Variants in CHCHD6 observed in about 807,000 individuals in gnomAD.
The protein encoded by CHCHD6 is MICOS complex subunit MIC25.
CHCHD6 carries 28 observed loss-of-function variants against 32.3 expected under a neutral mutation model. The observed-to-expected ratio is 0.87, with a 90% confidence interval of 0.64 to 1.19. The LOEUF (loss-of-function observed/expected upper bound fraction) is 1.19. Among genes scored for constraint, CHCHD6 ranks in the 50% most tolerant of loss-of-function variants. The pLI is 0.00. For synonymous variants in CHCHD6, 122 were observed against 117.5 expected, an observed-to-expected ratio of 1.04 and a Z score of -0.25; for missense variants, 333 against 307.0, an observed-to-expected ratio of 1.08 and a Z score of -0.63.
intron 4 of CHCHD6, among the ~76,000 whole-genome samples, chr3:126,787,825 C>G (rs1938300374): frequency 6.6e-6 from 1 of 152,154 alleles, no homozygotes; most frequent in African/African-American, 2.4e-5. Context: ...ATTTCTTTCT[C>G]TTGCCTAATT....
intron 6 of CHCHD6, among the ~76,000 whole-genome samples, chr3:126,929,719 C>G (rs2078376878): frequency 6.6e-6 from 1 of 152,146 alleles, no homozygotes; most frequent in Non-Finnish European, 1.5e-5. Flanking sequence ...GCGCCCACCA[C>G]CATGCCTGGC....
At chr3:126,849,565 A>G (rs918491601) in intron 4 of CHCHD6, among the ~76,000 whole-genome samples, 2 of 152,220 alleles carry the variant, frequency 1.3e-5, no homozygotes, top group Non-Finnish European at 1.5e-5. Context: ...GTACATGTTC[A>G]TAATGATGAC....
intron 4 of CHCHD6, among the ~76,000 whole-genome samples, chr3:126,749,989 G>C (rs1175350818): frequency 6.6e-6 from 1 of 152,148 alleles, no homozygotes; most frequent in Non-Finnish European, 1.5e-5. Flanking sequence ...TTGGCCCGAC[G>C]TCTGTTCAGG....
chr3:126,843,360 A>C (rs1476954923), intron 4 of CHCHD6, among the ~76,000 whole-genome samples: 1 of 152,150 alleles, frequency 6.6e-6, no homozygotes, highest in Admixed American at 6.5e-5. Context: ...CTGGTTTGGT[A>C]TCATTATAGC....
intron 4 of CHCHD6, among the ~76,000 whole-genome samples, chr3:126,774,735 T>A (rs951587515): frequency 2.6e-5 from 4 of 152,238 alleles, no homozygotes; most frequent in African/African-American, 4.8e-5. Context: ...GGGTCTCCAG[T>A]TGGCCTTTGC....
At chr3:126,852,020 G>T (rs1941491769) in intron 4 of CHCHD6, among the ~76,000 whole-genome samples, 1 of 152,198 alleles carries the variant, frequency 6.6e-6, no homozygotes, top group Admixed American at 6.5e-5. Context: ...CTCCAACAGG[G>T]ACTCAACCAT....
chr3:126,923,673 G>A (rs923701474), intron 6 of CHCHD6, among the ~76,000 whole-genome samples: 24 of 152,244 alleles, frequency 1.6e-4, no homozygotes, highest in African/African-American at 5.5e-4. Flanking sequence ...GCTACCTGAC[G>A]TGTGGCCTGG....
intron 4 of CHCHD6, among the ~76,000 whole-genome samples, chr3:126,791,763 C>T (rs1391307749): frequency 2.0e-5 from 3 of 152,192 alleles, no homozygotes; most frequent in Non-Finnish European, 4.4e-5. Context: ...GTGTATGCCA[C>T]CATGCCCAGC....
chr3:126,862,414 T>TCTA (rs1941952853), intron 5 of CHCHD6, among the ~76,000 whole-genome samples: 1 of 115,146 alleles, frequency 8.7e-6, no homozygotes, highest in Non-Finnish European at 1.8e-5. Context: ...CACCTCCTCC[T>TCTA]CCACCATCAC....
In CHCHD6 at chr3:126,918,014, G is replaced by A. The variant is rs578056275; in HGVS notation, c.566+3264G>A. Reference sequence around the variant, plus strand: ...AATGGGCTAAGATACTGTTAATAACGGCAGTCATTTTAGTCACTTTTTTAC... The same window carrying A: ...AATGGGCTAAGATACTGTTAATAACAGCAGTCATTTTAGTCACTTTTTTAC... On this transcript the variant is annotated intron_variant, in intron 6 of 7. Coordinates refer to ENST00000290913, the MANE Select transcript of CHCHD6 (RefSeq NM_032343.3). 1.1e-4 allele frequency among the ~76,000 whole-genome samples: 16 copies of A among 152,262 alleles called. No homozygotes were observed. The South Asian group carries it at 3.1e-3, about 30-fold the overall frequency.
chr3:126,858,989 CCA>C (rs1050303735), intron 5 of CHCHD6, among the ~76,000 whole-genome samples: 2 of 152,238 alleles, frequency 1.3e-5, no homozygotes, highest in African/African-American at 4.8e-5. Context: ...CTAGCACTTG[CCA>C]CACTCTGTCT....
At chr3:126,792,576 T>A in intron 4 of CHCHD6, among the ~76,000 whole-genome samples, 1 of 152,194 alleles carries the variant, frequency 6.6e-6, no homozygotes, top group South Asian at 2.1e-4. Context: ...TCCCTGTTAT[T>A]TTTCTTCTGA....
chr3:126,867,109 C>T (rs1320767426), intron 5 of CHCHD6, among the ~76,000 whole-genome samples: 4 of 152,198 alleles, frequency 2.6e-5, no homozygotes, highest in Non-Finnish European at 4.4e-5. Context: ...CTCCTGTTCT[C>T]TTTCATTGCA....
rs539621758 is a variant in CHCHD6 at position 126,712,154 on chromosome 3, T to C, written c.87+7755T>C. ...TTCCCGCTGGTGCGTTCCATTTTTC[T>C]GCCTTGGTGGTTCTGAAACTCACTG... On this transcript the variant is annotated intron_variant, in intron 1 of 7. Transcript: ENST00000290913. Among the ~76,000 whole-genome samples, 76 of 152,368 alleles carry C rather than the reference T, an allele frequency of 5.0e-4. 1 individual carries two copies. Among genetic ancestry groups the C allele is most frequent in the African/African-American group, 1.8e-3 (74 of 41,594 alleles).
At chr3:126,774,444 A>T (rs1247875549) in intron 4 of CHCHD6, among the ~76,000 whole-genome samples, 1 of 152,166 alleles carries the variant, frequency 6.6e-6, no homozygotes, top group African/African-American at 2.4e-5. Flanking sequence ...CAAAACCAAA[A>T]AGTTGGCATT....
Position 126,848,043 on chromosome 3 carries a change from G to A in CHCHD6, c.412-4604G>A, listed in dbSNP as rs553209459. The stretch of plus-strand genomic sequence containing the variant: ...TCTCCAGGCTGGAGTGCAGTGATGC[G>A]ATCATAACTCACCGCAGCCTCAAAC... On this transcript the variant is annotated intron_variant, in intron 4 of 7. Coordinates refer to ENST00000290913, the MANE Select transcript of CHCHD6 (RefSeq NM_032343.3). Among the ~76,000 whole-genome samples, 6 of 152,208 alleles carry A rather than the reference G, an allele frequency of 3.9e-5. No homozygotes were observed. In the East Asian group the frequency reaches 9.6e-4, roughly 24 times the overall value.
At chr3:126,760,906 T>C (rs1264678655) in intron 4 of CHCHD6, among the ~76,000 whole-genome samples, 1 of 152,212 alleles carries the variant, frequency 6.6e-6, no homozygotes, top group Non-Finnish European at 1.5e-5. Flanking sequence ...CAATCATAGC[T>C]CACTGTAACC....
chr3:126,727,126 C>A lies in CHCHD6; in HGVS notation c.136C>A (p.Pro46Thr). Residue 46 changes from proline to threonine, a missense_variant, in exon 2 of 8, where the codon CCT becomes ACT. Coordinates refer to ENST00000290913, the MANE Select transcript of CHCHD6 (RefSeq NM_032343.3). ...NRMKEPSSPP[P>T]APTSSTFGLQ... is the part of the protein sequence containing the mutation. The stretch of plus-strand genomic sequence containing the variant: ...CATGAAGGAGCCCAGCTCTCCACCC[C>A]CTGCTCCCACATCTTCTACCTTTGG... 7 of 1,614,162 alleles carry A rather than the reference C, an allele frequency of 4.3e-6. No individual in the cohort carries two copies. The highest frequency in any genetic ancestry group is 2.2e-5 in the East Asian group (1 of 44,876).
intron 4 of CHCHD6, among the ~76,000 whole-genome samples, chr3:126,805,393 C>T (rs1939315800): frequency 6.6e-6 from 1 of 152,024 alleles, no homozygotes; most frequent in African/African-American, 2.4e-5. Context: ...CACAAGCATT[C>T]TTATACACCA....
Sources: gnomAD v4.1 joint callset for allele counts (sites outside exome capture counted in the v4.1 genomes callset) on GRCh38, gnomAD v4.1.1 for gene constraint, MANE v1.5 for transcripts, NCBI Gene and HGNC (gene_info 2026-07-23, HGNC 2026-07-21) for gene names.